SORL1: variants seen among roughly 807,000 people sequenced by gnomAD.
The protein encoded by SORL1 is sortilin-related receptor.
A neutral mutation model predicts 273.7 loss-of-function variants in SORL1; 127 were observed. That is an observed-to-expected ratio of 0.46 (90% CI 0.40 to 0.54). The LOEUF is 0.54. SORL1 is among the 20% of genes least tolerant of loss of function. The probability of loss-of-function intolerance (pLI) is 0.00; values close to 1 mark genes in which losing one functional copy is unlikely to be tolerated. For synonymous variants in SORL1, 1,031 were observed against 1,067.4 expected (o/e 0.97, Z 0.66); for missense variants, 2,494 against 2,846.1 (o/e 0.88, Z 2.81).
rs923524404 is a variant in SORL1 at position 121,513,092 on chromosome 11, A to G, written c.1029A>G (p.Arg343=). ...TGAGAGCAGCCCAGTTTGTCACAAG[A>G]CATCCTATTAATGTGAGTGGGGTCT... The part of the protein sequence containing the change: ...KPMRAAQFVT[R]HPINEYYIAD... The change falls in exon 7 of 48, where the codon AGA becomes AGG. Residue 343 remains arginine, a synonymous_variant. Transcript: ENST00000260197. The G allele has an allele frequency of 5.0e-6, 8 of 1,611,736 alleles. No homozygotes were observed. Among genetic ancestry groups the G allele is most frequent in the Middle Eastern group, 1.6e-4 (1 of 6,080 alleles).
chr11:121,552,187 A>T (rs1862516987), intron 16 of SORL1, among the ~76,000 whole-genome samples: 1 of 152,210 alleles, frequency 6.6e-6, no homozygotes, highest in African/African-American at 2.4e-5. Context: ...AAAGAAAAAG[A>T]TGCTTTCACA....
intron 23 of SORL1, among the ~76,000 whole-genome samples, chr11:121,572,614 A>C (rs1862860208): frequency 6.6e-6 from 1 of 152,122 alleles, no homozygotes; most frequent in South Asian, 2.1e-4. Flanking sequence ...CCTGTTTCTA[A>C]GCAGGGCTGC....
intron 25 of SORL1, among the ~76,000 whole-genome samples, chr11:121,578,588 T>A (rs977918813): frequency 1.1e-4 from 17 of 152,364 alleles, no homozygotes; most frequent in African/African-American, 3.6e-4. Flanking sequence ...TTTTGTATTC[T>A]CTGCAGTGTC....
At chr11:121,508,551 C>T (rs1169990836) in intron 6 of SORL1, among the ~76,000 whole-genome samples, 1 of 152,330 alleles carries the variant, frequency 6.6e-6, no homozygotes, top group Non-Finnish European at 1.5e-5. Flanking sequence ...GATAATGCAG[C>T]CTTCCTGTGA....
rs1241945856 is a variant in SORL1, at chr11:121,516,056, G to C, written c.1211+1735G>C. ...AAATCTGTGAATTGCATTATATAAT[G>C]AAAAGAATATAACACATAAATGGAT... On this transcript the variant is annotated intron_variant, in intron 8 of 47. Transcript: ENST00000260197. Among the ~76,000 whole-genome samples the C allele has an allele frequency of 2.0e-5, 3 of 152,288 alleles. No homozygotes were observed. In the East Asian group the frequency reaches 5.8e-4, roughly 29 times the overall value.
Position 121,595,494 on chromosome 11 carries a change from C to A in SORL1, c.4370-129C>A. Reference sequence around the variant, plus strand: ...TATCTACTCTGCTCTCTATCCGGAACTCGCATTTGTCTTCAGGTTCCCATT... The same window carrying A: ...TATCTACTCTGCTCTCTATCCGGAAATCGCATTTGTCTTCAGGTTCCCATT... On this transcript the variant is annotated intron_variant, in intron 31 of 47. Transcript: ENST00000260197. The surrounding 1 kb of genome is among the most constrained non-coding windows in gnomAD (Gnocchi z 5.1). The A allele has an allele frequency of 1.2e-6, 1 of 826,414 alleles. No individual in the cohort carries two copies. Among genetic ancestry groups the A allele is most frequent in the Non-Finnish European group, 1.9e-6 (1 of 516,320 alleles). The allele number at this position is 826,414 out of a possible 1,614,324, so 51.2% of individuals were successfully genotyped here. A position where few individuals can be genotyped will look rare whatever the true frequency, so the allele number is the denominator to read the frequency against.
chr11:121,593,630 G>A (rs1263767448), intron 31 of SORL1, among the ~76,000 whole-genome samples: 1 of 149,012 alleles, frequency 6.7e-6, no homozygotes, highest in African/African-American at 2.6e-5. Flanking sequence ...TCCCTTGTTT[G>A]GGTGGAGTGC....
At chr11:121,614,161 G>A (rs1433192946) in intron 40 of SORL1, 1 of 152,118 alleles carries the variant, frequency 6.6e-6, no homozygotes, top group African/African-American at 2.4e-5. Context: ...GATCAGAAAG[G>A]GGATACATAT....
At chr11:121,514,360 C>T (rs369668527) in intron 8 of SORL1, 39 bp downstream of exon 8, 241 of 1,563,914 alleles carry the variant, frequency 1.5e-4, no homozygotes, top group Middle Eastern at 4.1e-4. Context: ...CTTCTTAGGC[C>T]AACACAACCA....
intron 44 of SORL1, among the ~76,000 whole-genome samples, chr11:121,621,667 C>T (rs1193590170): frequency 6.6e-6 from 1 of 152,194 alleles, no homozygotes; most frequent in Non-Finnish European, 1.5e-5. Context: ...GGCAGTAGAT[C>T]AAAGGGCAGT....
At position 121,559,529 on chromosome 11, in the gene SORL1, A is replaced by G; in HGVS notation, c.2921A>G (p.Tyr974Cys). ...AGGTTTTCTTTTTAGAATGAAATCT[A>G]CTGGGATGACTGGTCACAGCTCAGC... ...YAIAVFKNEI[Y>C]WDDWSQLSIF... is the part of the protein sequence containing the mutation. The change falls in exon 21 of 48, where the codon TAC (tyrosine) becomes TGC (cysteine). Residue 974 changes from tyrosine (Y) to cysteine (C), a missense_variant. This residue lies in a region of SORL1 where 1,609 missense variants were observed against 1,816.4 expected (regional missense o/e 0.89). Transcript: ENST00000260197. The G allele has an allele frequency of 1.9e-6, 3 of 1,613,186 alleles. No homozygotes were observed. Among genetic ancestry groups the G allele is most frequent in the Non-Finnish European group, 2.5e-6 (3 of 1,179,756 alleles).
At chr11:121,546,028 G>A (rs1319001119) in intron 14 of SORL1, among the ~76,000 whole-genome samples, 1 of 152,256 alleles carries the variant, frequency 6.6e-6, no homozygotes, top group East Asian at 1.9e-4. Flanking sequence ...AGAATGAGGA[G>A]ATTTTTGGAA....
In SORL1 at chr11:121,577,281, A is replaced by C. The variant is rs1862945351; in HGVS notation, c.3461A>C (p.Glu1154Ala). The C allele has an allele frequency of 6.3e-7, 1 of 1,587,504 alleles. No individual in the cohort carries two copies. Among genetic ancestry groups the C allele is most frequent in the Non-Finnish European group, 8.6e-7 (1 of 1,168,874 alleles). ...CGDNSDESHC[E>A]MHQCRSDEYN... is the part of the protein sequence containing the mutation. The stretch of plus-strand genomic sequence containing the variant: ...TCTCTGTTTATGGTCTCACCTGCAG[A>C]AATGCACCAGTGCCGGAGTGACGAG... Residue 1154 changes from glutamate (E) to alanine (A), a missense_variant and splice_region_variant, in exon 25 of 48, where the codon GAA becomes GCA. Physicochemically the swap from Glu to Ala is moderately radical, Grantham distance 107. Transcript: ENST00000260197.
chr11:121,566,792 G>T, intron 21 of SORL1, 148 bp from the exon 22 acceptor site: 2 of 684,104 alleles, frequency 2.9e-6, no homozygotes, highest in Non-Finnish European at 4.8e-6. Flanking sequence ...CAGCACAGTA[G>T]GCGCCCCAAA....
chr11:121,532,632 T>A, intron 12 of SORL1, 80 bp downstream of exon 12: 1 of 1,205,306 alleles, frequency 8.3e-7, no homozygotes, highest in Non-Finnish European at 1.2e-6. Flanking sequence ...GGATTATCTC[T>A]CTATAGCACT....
At chr11:121,546,022 TGAG>T (rs1442302608) in intron 14 of SORL1, among the ~76,000 whole-genome samples, 2 of 152,174 alleles carry the variant, frequency 1.3e-5, no homozygotes, top group African/African-American at 4.8e-5. Context: ...TGTTGGAGAA[TGAG>T]GAGATTTTTG....
rs1591307404 is a variant in SORL1, at chr11:121,514,313, C to T, written c.1203C>T (p.Thr401=). ...YYSPGGAGSD[T]LVRYFANEPF... The stretch of plus-strand genomic sequence containing the variant: ...GCCCAGGAGGGGCCGGCAGTGACAC[C>T]TTGGTGAGGTAAGGAGACTGTGAGT... The change falls in exon 8 of 48, where the codon ACC becomes ACT. Residue 401 remains threonine (T), a synonymous_variant. Transcript: ENST00000260197. The T allele has an allele frequency of 6.2e-7, 1 of 1,613,530 alleles. No individual in the cohort carries two copies. The highest frequency in any genetic ancestry group is 1.7e-4 in the Middle Eastern group (1 of 5,946).
chr11:121,580,441 T>G (rs1214952639), intron 25 of SORL1, among the ~76,000 whole-genome samples: 1 of 152,204 alleles, frequency 6.6e-6, no homozygotes, highest in Non-Finnish European at 1.5e-5. Context: ...GCTGTTTTTT[T>G]TATTTCCATG....
At chr11:121,465,883 C>T (rs747514534) in intron 1 of SORL1, among the ~76,000 whole-genome samples, 29 of 151,958 alleles carry the variant, frequency 1.9e-4, no homozygotes, top group African/African-American at 6.3e-4. Context: ...GCGACAGAGC[C>T]GGTAGGCGTG....
Sources: allele counts gnomAD v4.1 joint callset (sites outside exome capture counted in the v4.1 genomes callset), GRCh38; gene constraint gnomAD v4.1.1; regional missense constraint gnomAD v4.1.1; non-coding constraint Gnocchi (gnomAD v3.1); transcripts MANE v1.5; gene names NCBI Gene and HGNC (gene_info 2026-07-23, HGNC 2026-07-21).